The following OVCH1 variants were observed in gnomAD, a reference collection of about 807,000 sequenced individuals.
The protein encoded by OVCH1 is ovochymase-1.
In OVCH1, 139 loss-of-function variants were observed where a neutral mutation model predicts 138.4. The observed-to-expected ratio is 1.00, with a 90% CI of 0.87 to 1.16. OVCH1 has a LOEUF of 1.16. Among genes scored for constraint, OVCH1 ranks in the 50% most tolerant of loss-of-function variants. The pLI is 0.00. For synonymous variants in OVCH1, 453 were observed against 467.8 expected, an observed-to-expected ratio of 0.97 and a Z score of 0.41; for missense variants, 1,367 against 1,357.9, an observed-to-expected ratio of 1.01 and a Z score of -0.11.
intron 26 of OVCH1, among the ~76,000 whole-genome samples, chr12:29,436,718 T>TA (rs1430812794): frequency 6.6e-6 from 1 of 152,070 alleles, no homozygotes; most frequent in Admixed American, 6.5e-5. Flanking sequence ...AGTTGAGTGT[T>TA]ACAGCTCTTA....
chr12:29,445,351 C>T (rs528717043), exon 23 of OVCH1: 13 of 1,611,008 alleles, frequency 8.1e-6, no homozygotes, highest in African/African-American at 2.7e-5. Flanking sequence ...CCCTCACCAG[C>T]GGTCCAGGAC....
chr12:29,461,587 C>T, intron 19 of OVCH1: 1 of 510,610 alleles, frequency 2.0e-6, no homozygotes, highest in East Asian at 3.7e-5. Context: ...TGCTTAGAAG[C>T]TCTGCCATTT....
intron 19 of OVCH1, among the ~76,000 whole-genome samples, chr12:29,456,602 TTATC>T (rs1941958150): frequency 6.6e-6 from 1 of 152,210 alleles, no homozygotes; most frequent in African/African-American, 2.4e-5. Context: ...TCACACACAT[TTATC>T]TATTAATTAG....
At chr12:29,409,052 G>A (rs1053163598), downstream of OVCH1, among the ~76,000 whole-genome samples, 5 of 152,038 alleles carry the variant, frequency 3.3e-5, no homozygotes, top group East Asian at 3.9e-4. Context: ...TGTATGTGTC[G>A]AGGAATTTAT....
chr12:29,475,484 A>G (rs1375191279), intron 13 of OVCH1, among the ~76,000 whole-genome samples: 1 of 151,328 alleles, frequency 6.6e-6, no homozygotes, highest in Non-Finnish European at 1.5e-5. Flanking sequence ...AAAAAAAAAA[A>G]CACCCAAGTT....
exon 3 of OVCH1, chr12:29,496,226 T>A: frequency 6.2e-7 from 1 of 1,609,878 alleles, no homozygotes; most frequent in Non-Finnish European, 8.5e-7. Flanking sequence ...AACCCGATCT[T>A]CTTGAATCAA....
At chr12:29,411,683 C>T (rs546465370), downstream of OVCH1, among the ~76,000 whole-genome samples, 1 of 152,176 alleles carries the variant, frequency 6.6e-6, no homozygotes, top group South Asian at 2.1e-4. Flanking sequence ...CAGAGGAGTA[C>T]CCGGCCGTGT....
Position 29,462,081 on chromosome 12 carries a change from T to A in OVCH1, c.2126-73A>T. Reference sequence around the variant, plus strand: ...AGTGTTGTTAGAAATGTATTTAAGTTCAGATGTAGCTCTGTACCAACATAG... The same window carrying A: ...AGTGTTGTTAGAAATGTATTTAAGTACAGATGTAGCTCTGTACCAACATAG... On this transcript the variant is annotated intron_variant, in intron 18 of 27. Coordinates refer to ENST00000318184, the Ensembl canonical transcript of OVCH1. The A allele has an allele frequency of 2.0e-6, 3 of 1,502,272 alleles. No individual in the cohort carries two copies. In the South Asian group the frequency reaches 3.7e-5, roughly 18 times the overall value. 93.1% of individuals were successfully genotyped at this position (1,502,272 alleles called of 1,614,324 possible).
At chr12:29,489,849 C>G in intron 5 of OVCH1, 78 bp from the exon 6 acceptor site, 3 of 1,417,132 alleles carry the variant, frequency 2.1e-6, no homozygotes, top group Non-Finnish European at 2.9e-6. Flanking sequence ...AAGTTTGGAA[C>G]TATTTCAAAC....
At chr12:29,411,650 TCG>T (rs1940958116), downstream of OVCH1, among the ~76,000 whole-genome samples, 1 of 152,076 alleles carries the variant, frequency 6.6e-6, no homozygotes, top group East Asian at 1.9e-4. Flanking sequence ...TGCTGTCTGA[TCG>T]TTCCTCTGGA....
intron 8 of OVCH1, among the ~76,000 whole-genome samples, chr12:29,485,949 TAAATAAAATAAAATA>T (rs1262696941): frequency 0.023 from 3,127 of 133,396 alleles, 126 homozygotes; most frequent in African/African-American, 0.072. Flanking sequence ...CATCTCAAAA[TAAATAAAATAAAATA>T]AAATAAAATA....
chr12:29,487,200 C>A (rs1565610854), intron 7 of OVCH1: 1 of 197,674 alleles, frequency 5.1e-6, no homozygotes, highest in Non-Finnish European at 1.0e-5. Context: ...TTCTTTCATT[C>A]TGCAGACGAC....
Position 29,473,112 on chromosome 12 carries a change from G to GAA in OVCH1, c.1601-11_1601-10dup. ...AAATTTGTTTAAAGACTCTGTAGAAGAAAAAAAAATTAATTGAAAGTAATT... is the reference window on the plus strand; with the variant it reads ...AAATTTGTTTAAAGACTCTGTAGAAGAAAAAAAAAAATTAATTGAAAGTAATT... On this transcript the variant is annotated splice_polypyrimidine_tract_variant and intron_variant, in intron 14 of 27. Coordinates refer to ENST00000318184, the Ensembl canonical transcript of OVCH1. 6.4e-7 allele frequency: 1 copy of GAA among 1,559,890 alleles called. No homozygotes were observed.
chr12:29,478,410 A>G (rs935130895), intron 9 of OVCH1, among the ~76,000 whole-genome samples: 34 of 152,098 alleles, frequency 2.2e-4, no homozygotes, highest in African/African-American at 8.2e-4. Flanking sequence ...CACTTTTGTG[A>G]TAAAAATAAT....
At chr12:29,496,156 C>A in intron 3 of OVCH1, 25 bp downstream of exon 3, 2 of 1,564,718 alleles carry the variant, frequency 1.3e-6, no homozygotes, top group South Asian at 2.3e-5. Flanking sequence ...CAAGGCCTGA[C>A]AAGTAATGGA....
At chr12:29,463,580 G>A (rs1942213041) in intron 18 of OVCH1, among the ~76,000 whole-genome samples, 1 of 152,148 alleles carries the variant, frequency 6.6e-6, no homozygotes, top group African/African-American at 2.4e-5. Flanking sequence ...GTAATGAGAA[G>A]CCATTAAGAT....
intron 20 of OVCH1, 134 bp downstream of exon 20, chr12:29,455,115 T>A: frequency 8.3e-7 from 1 of 1,201,378 alleles, no homozygotes; most frequent in Non-Finnish European, 1.2e-6. Context: ...TCTTGCATTT[T>A]AGTGTGTTTA....
intron 25 of OVCH1, among the ~76,000 whole-genome samples, chr12:29,441,395 G>T (rs1437230821): frequency 6.6e-6 from 1 of 152,134 alleles, no homozygotes; most frequent in African/African-American, 2.4e-5. Flanking sequence ...AATAAATGGT[G>T]CTGGGAAAAC....
intron 3 of OVCH1, among the ~76,000 whole-genome samples, chr12:29,419,844 T>C (rs1170313699): frequency 6.6e-6 from 1 of 152,214 alleles, no homozygotes; most frequent in Non-Finnish European, 1.5e-5. Flanking sequence ...TTCTAAAATT[T>C]GATTGCAAAC....
Sources: allele counts gnomAD v4.1 joint callset (sites outside exome capture counted in the v4.1 genomes callset), GRCh38; gene constraint gnomAD v4.1.1; transcripts MANE v1.5; gene names NCBI Gene and HGNC (gene_info 2026-07-23, HGNC 2026-07-21).